ASIC2: variants seen among roughly 807,000 people sequenced by gnomAD.
ASIC2 encodes acid sensing ion channel subunit 2.
In ASIC2, 25 loss-of-function variants were observed where a neutral mutation model predicts 57.3. The ratio of observed to expected loss-of-function variants is 0.44; its 90% CI spans 0.32 to 0.61. ASIC2 has a LOEUF of 0.61. Ranked by LOEUF, ASIC2 falls within the 20% of genes least tolerant of loss-of-function variation. The pLI is 0.06. For missense variants in ASIC2, 641 were observed against 738.1 expected (o/e 0.87, Z 1.52); for synonymous variants, 319 against 307.5 (o/e 1.04, Z -0.39).
At chr17:33,566,070 G>T (rs940943595) in intron 1 of ASIC2, 2 of 152,284 alleles carry the variant, frequency 1.3e-5, no homozygotes. Flanking sequence ...CTGCAGGTGC[G>T]CTAAGCCCTC....
At chr17:33,541,225 ACTT>A (rs1392872591) in intron 1 of ASIC2, 1 of 152,104 alleles carries the variant, frequency 6.6e-6, no homozygotes, top group East Asian at 1.9e-4. Flanking sequence ...TTAATGATCT[ACTT>A]CTAGGATTTA....
chr17:34,068,677 T>G (rs1234955775), intron 1 of ASIC2, among the ~76,000 whole-genome samples: 1 of 152,234 alleles, frequency 6.6e-6, no homozygotes, highest in East Asian at 1.9e-4. Context: ...CTTCCAATAG[T>G]GTTTCTTATG....
chr17:33,337,232 C>T (rs1391506099), intron 1 of ASIC2, among the ~76,000 whole-genome samples: 1 of 152,192 alleles, frequency 6.6e-6, no homozygotes, highest in Non-Finnish European at 1.5e-5. Flanking sequence ...TCTAAAAGAC[C>T]TAGTTTCAAA....
At chr17:33,563,397 T>G (rs1378990505) in intron 1 of ASIC2, among the ~76,000 whole-genome samples, 6 of 152,222 alleles carry the variant, frequency 3.9e-5, no homozygotes, top group Admixed American at 3.3e-4. Context: ...GGGAATTAAA[T>G]CCACGCTTCC....
chr17:33,397,976 G>A (rs959183506), intron 1 of ASIC2, among the ~76,000 whole-genome samples: 4 of 151,986 alleles, frequency 2.6e-5, no homozygotes, highest in African/African-American at 9.7e-5. Context: ...GATCATAGTG[G>A]AAAAAAAATC....
chr17:34,076,481 T>C (rs1261282225), intron 1 of ASIC2, among the ~76,000 whole-genome samples: 2 of 152,210 alleles, frequency 1.3e-5, no homozygotes, highest in Non-Finnish European at 1.5e-5. Flanking sequence ...CCTTTTATTG[T>C]ATATATAGTT....
intron 1 of ASIC2, among the ~76,000 whole-genome samples, chr17:34,056,971 G>T (rs561384826): frequency 6.6e-6 from 1 of 152,320 alleles, no homozygotes; most frequent in South Asian, 2.1e-4. Context: ...TCAAAGAGTG[G>T]ATTAGACAGA....
intron 2 of ASIC2, among the ~76,000 whole-genome samples, chr17:33,092,328 C>T (rs1032120418): frequency 6.6e-6 from 1 of 152,220 alleles, no homozygotes; most frequent in Non-Finnish European, 1.5e-5. Flanking sequence ...CAGTCCCTGC[C>T]CTCACTCTCT....
chr17:33,456,817 A>G (rs1357758305), intron 1 of ASIC2, among the ~76,000 whole-genome samples: 8 of 152,236 alleles, frequency 5.3e-5, no homozygotes, highest in Non-Finnish European at 1.0e-4. Flanking sequence ...CAGCCTTAGC[A>G]TTGATTGACT....
chr17:33,713,246 G>A (rs1909110993), intron 1 of ASIC2, among the ~76,000 whole-genome samples: 1 of 152,122 alleles, frequency 6.6e-6, no homozygotes, highest in African/African-American at 2.4e-5. Context: ...AATTTCCTAG[G>A]GTTTGCCATA....
chr17:33,811,508 C>T (rs186884511), intron 1 of ASIC2, among the ~76,000 whole-genome samples: 8 of 152,316 alleles, frequency 5.3e-5, no homozygotes, highest in East Asian at 1.9e-4. Flanking sequence ...CTATTAGTCA[C>T]CAGCCCATGA....
At chr17:33,094,412 C>T (rs1054704832) in intron 2 of ASIC2, among the ~76,000 whole-genome samples, 1 of 152,182 alleles carries the variant, frequency 6.6e-6, no homozygotes, top group African/African-American at 2.4e-5. Context: ...TAACGGCTCT[C>T]CCTGCTACAA....
chr17:33,651,700 A>G (rs577297128), intron 1 of ASIC2, among the ~76,000 whole-genome samples: 1 of 152,354 alleles, frequency 6.6e-6, no homozygotes, highest in African/African-American at 2.4e-5. Context: ...GTCCTCAAGA[A>G]GCCCGCAGTC....
intron 1 of ASIC2, among the ~76,000 whole-genome samples, chr17:33,168,585 T>C (rs1905392478): frequency 6.6e-6 from 1 of 152,212 alleles, no homozygotes; most frequent in Non-Finnish European, 1.5e-5. Context: ...AATCTTGTTA[T>C]ACAGTTGCAA....
intron 1 of ASIC2, among the ~76,000 whole-genome samples, chr17:33,261,820 G>C (rs532974118): frequency 7.6e-3 from 1 of 132 alleles, no homozygotes; most frequent in Non-Finnish European, 0.016. Context: ...TCACGACGAG[G>C]TGAACGTGGG....
chr17:33,457,384 A>C (rs1912487391), intron 1 of ASIC2, among the ~76,000 whole-genome samples: 1 of 152,116 alleles, frequency 6.6e-6, no homozygotes, highest in Non-Finnish European at 1.5e-5. Context: ...GTAGAGAGAA[A>C]TATCAACTTC....
chr17:33,138,361 C>T (rs2092374000), intron 1 of ASIC2, among the ~76,000 whole-genome samples: 1 of 152,210 alleles, frequency 6.6e-6, no homozygotes, highest in Admixed American at 6.5e-5. Flanking sequence ...ATTATTTAAC[C>T]TTTAAATTAT....
intron 1 of ASIC2, among the ~76,000 whole-genome samples, chr17:33,431,032 G>T (rs568570138): frequency 6.6e-6 from 1 of 152,092 alleles, no homozygotes. Flanking sequence ...TGCAGAGGGG[G>T]GCAGCAAGGT....
intron 1 of ASIC2, among the ~76,000 whole-genome samples, chr17:33,321,725 G>A (rs1906879251): frequency 6.6e-6 from 1 of 152,148 alleles, no homozygotes; most frequent in East Asian, 1.9e-4. Context: ...ATTTTTGGTA[G>A]AAATGATTCC....
Sources: gnomAD v4.1 joint callset for allele counts (sites outside exome capture counted in the v4.1 genomes callset) on GRCh38, gnomAD v4.1.1 for gene constraint, MANE v1.5 for transcripts, NCBI Gene and HGNC (gene_info 2026-07-23, HGNC 2026-07-21) for gene names.